The following LMF1 variants were observed in gnomAD, a reference collection of about 807,000 sequenced individuals.
The protein encoded by LMF1 is lipase maturation factor 1, also known as transmembrane protein 112.
LMF1 carries 68 observed loss-of-function variants against 60.6 expected under a neutral mutation model. The observed-to-expected ratio is 1.12, with a 90% CI of 0.92 to 1.37. LMF1 has a LOEUF of 1.37. Ranked by LOEUF, LMF1 falls within the 40% of genes most tolerant of loss-of-function variation. LMF1 has a pLI of 0.00. For missense variants in LMF1, 948 were observed against 767.2 expected, an observed-to-expected ratio of 1.24 and a Z score of -2.78; for synonymous variants, 418 against 324.7, an observed-to-expected ratio of 1.29 and a Z score of -3.09.
At chr16:936,613 G>T (rs1219559773) in intron 2 of LMF1, among the ~76,000 whole-genome samples, 1 of 152,118 alleles carries the variant, frequency 6.6e-6, no homozygotes, top group African/African-American at 2.4e-5. Context: ...GGCTGGGAGG[G>T]AGAGAGGGCA....
chr16:974,934 A>C (rs1343162594), upstream of LMF1, among the ~76,000 whole-genome samples: 1 of 152,152 alleles, frequency 6.6e-6, no homozygotes, highest in Non-Finnish European at 1.5e-5. Flanking sequence ...GGGGCCCAGG[A>C]CCCGTGGATG....
rs2072622362 is a variant in LMF1 at position 954,596 on chromosome 16, T to C, written c.264A>G (p.Arg88=). The C allele has an allele frequency of 1.2e-6, 2 of 1,611,386 alleles. No individual in the cohort carries two copies. Among genetic ancestry groups the C allele is most frequent in the Non-Finnish European group, 1.7e-6 (2 of 1,178,392 alleles). ...ACTGCTGGAAGTTCTTCAGGAACAC[T>C]CTGCAGGGAAGCAGCCCCCTGTCAC... ...LIGDRGLLPC[R]VFLKNFQQYF... Residue 88 remains arginine (R), a synonymous_variant, in exon 2 of 11, where the codon AGA becomes AGG. Coordinates refer to ENST00000262301, the MANE Select transcript of LMF1 (RefSeq NM_022773.4).
chr16:879,532 T>C, intron 6 of LMF1, 38 bp downstream of exon 6: 1 of 1,606,136 alleles, frequency 6.2e-7, no homozygotes, highest in South Asian at 1.1e-5. Flanking sequence ...GGCCAGCGTC[T>C]CTGTGGACAC....
chr16:861,938 C>T (rs74001082), intron 10 of LMF1, among the ~76,000 whole-genome samples: 14,836 of 152,118 alleles, frequency 0.098, 2,206 homozygotes, highest in African/African-American at 0.32. Context: ...CTTTATCCAG[C>T]GGAGGAAGTT....
At chr16:950,491 CGACAGAGTCAGAGAT>C (rs2072420262) in intron 2 of LMF1, among the ~76,000 whole-genome samples, 2 of 94,310 alleles carry the variant, frequency 2.1e-5, no homozygotes, top group Non-Finnish European at 1.9e-5. Context: ...TCAGAGCCAA[CGACAGAGTCAGAGAT>C]GACAGAGTCA....
chr16:881,832 T>G (rs1185441035), intron 5 of LMF1, among the ~76,000 whole-genome samples: 4 of 152,346 alleles, frequency 2.6e-5, no homozygotes, highest in Non-Finnish European at 5.9e-5. Flanking sequence ...GCTCTTGGTC[T>G]GGCTTTTGGG....
At chr16:957,421 A>C (rs1174386220) in intron 1 of LMF1, among the ~76,000 whole-genome samples, 1 of 152,176 alleles carries the variant, frequency 6.6e-6, no homozygotes, top group Non-Finnish European at 1.5e-5. Flanking sequence ...AAAACTACAA[A>C]ACACTGATTA....
rs913415733 is a variant in LMF1, at chr16:881,005, G to A, written c.730-1268C>T. ...CCCCACTAGGGACAACAATGAACAC[G>A]CCCTGCAGGGAGGGAGGCGGCCCCC... On this transcript the variant is annotated intron_variant, in intron 5 of 10. Transcript: ENST00000262301. Among the ~76,000 whole-genome samples, 4 of 152,208 alleles carry A rather than the reference G, an allele frequency of 2.6e-5. No homozygotes were observed. The South Asian group carries it at 6.2e-4, about 24-fold the overall frequency.
At chr16:873,727 C>G (rs1024027031) in intron 6 of LMF1, 1 of 152,360 alleles carries the variant, frequency 6.6e-6, no homozygotes, top group Non-Finnish European at 1.5e-5. Flanking sequence ...ACCCAGGTCT[C>G]TCTTCAGTGT....
At position 858,191 on chromosome 16, in the gene LMF1, G is replaced by GC. The variant is rs1474478034; in HGVS notation, c.1530-3486_1530-3485insG. Among the ~76,000 whole-genome samples the GC allele has an allele frequency of 3.5e-3, 9 of 2,570 alleles. 2 individuals carry two copies. The highest frequency in any genetic ancestry group is 8.5e-3 in the Admixed American group (3 of 352). 1.7% of individuals were successfully genotyped at this position (2,570 alleles called of 152,430 possible). A position where few individuals can be genotyped will look rare whatever the true frequency, so the allele number is the denominator to read the frequency against. On this transcript the variant is annotated intron_variant, in intron 10 of 10. Coordinates refer to ENST00000262301, the MANE Select transcript of LMF1 (RefSeq NM_022773.4). ...GTGCGTGGTGTCACGGGATGGGTGT[G>GC]AGTGGTGTCTCGGGATGGGTGTGCG...
In LMF1 at chr16:966,665, C is replaced by T. The variant is rs573960682; in HGVS notation, c.193+4123G>A. On this transcript the variant is annotated intron_variant, in intron 1 of 10. Transcript: ENST00000262301. ...CTCCCAGGCGGGTGTGTCCTTGGTC[C>T]GCCTTCTGGGAAGTGTGCACAGGCA... Among the ~76,000 whole-genome samples the T allele has an allele frequency of 7.9e-5, 12 of 152,318 alleles. No homozygotes were observed. The South Asian group carries it at 1.7e-3, about 21-fold the overall frequency.
At chr16:865,332 T>C (rs894855886) in intron 10 of LMF1, among the ~76,000 whole-genome samples, 6 of 152,166 alleles carry the variant, frequency 3.9e-5, no homozygotes, top group African/African-American at 1.4e-4. Flanking sequence ...AGAAGGAACG[T>C]CTATTGTATT....
chr16:930,878 T>C (rs946316212), intron 3 of LMF1, among the ~76,000 whole-genome samples: 2 of 151,998 alleles, frequency 1.3e-5, no homozygotes, highest in Non-Finnish European at 2.9e-5. Flanking sequence ...CCCAGCACTT[T>C]GGGAGGCTGA....
At chr16:932,951 G>T (rs948319557) in intron 3 of LMF1, 1 of 152,052 alleles carries the variant, frequency 6.6e-6, no homozygotes, top group Non-Finnish European at 1.5e-5. Flanking sequence ...GCTTCCTCAC[G>T]TCTACTCGCT....
intron 1 of LMF1, among the ~76,000 whole-genome samples, chr16:968,207 C>T (rs1373854878): frequency 1.3e-5 from 2 of 152,216 alleles, no homozygotes; most frequent in East Asian, 1.9e-4. Context: ...AGAGGCCTGT[C>T]GCTGGCAGCC....
Position 934,363 on chromosome 16 carries a change from G to T in LMF1, c.504-109C>A, listed in dbSNP as rs996022765. The stretch of plus-strand genomic sequence containing the variant: ...ACCCTGGCACCCAGCACGGTGTGGG[G>T]TCAGGGAAGCCCTGCGAGGAGGACC... On this transcript the variant is annotated intron_variant, in intron 2 of 10. Coordinates refer to ENST00000262301, the MANE Select transcript of LMF1 (RefSeq NM_022773.4). 44 of 1,426,754 alleles carry T rather than the reference G, an allele frequency of 3.1e-5. No homozygotes were observed. In the African/African-American group the frequency reaches 3.8e-4, roughly 12 times the overall value. The allele number at this position is 1,426,754 out of a possible 1,614,324, so 88.4% of individuals were successfully genotyped here.
intron 2 of LMF1, among the ~76,000 whole-genome samples, chr16:940,633 A>AT (rs2072076459): frequency 6.6e-6 from 1 of 152,282 alleles, no homozygotes; most frequent in South Asian, 2.1e-4. Context: ...AGTAAATGCT[A>AT]TAAGGATTAT....
chr16:879,490 C>G, intron 6 of LMF1, 80 bp downstream of exon 6: 4 of 1,522,154 alleles, frequency 2.6e-6, no homozygotes, highest in Non-Finnish European at 3.6e-6. Context: ...AGGGTCCTCC[C>G]AGAGAGCGGG....
chr16:863,424 G>T (rs137902851), intron 10 of LMF1, among the ~76,000 whole-genome samples: 65 of 151,098 alleles, frequency 4.3e-4, no homozygotes, highest in African/African-American at 1.5e-3. Flanking sequence ...TTTCAGGCAT[G>T]AGCCACCACA....
Sources: allele counts gnomAD v4.1 joint callset (sites outside exome capture counted in the v4.1 genomes callset), GRCh38; gene constraint gnomAD v4.1.1; transcripts MANE v1.5; gene names NCBI Gene and HGNC (gene_info 2026-07-23, HGNC 2026-07-21).